The following PLEKHH1 variants were observed in gnomAD, a reference collection of about 807,000 sequenced individuals.
The protein encoded by PLEKHH1 is pleckstrin homology, MyTH4 and FERM domain containing H1.
Under a neutral mutation model 160.0 loss-of-function variants are expected in PLEKHH1, and 104 were observed. That is an observed-to-expected ratio of 0.65 (90% confidence interval 0.55 to 0.76). PLEKHH1 has a LOEUF of 0.76. Ranked by LOEUF, PLEKHH1 falls within the 30% of genes least tolerant of loss-of-function variation. The pLI, the probability that PLEKHH1 is intolerant of heterozygous loss-of-function variation, is 0.00. For missense variants in PLEKHH1, 1,427 were observed against 1,724.1 expected (o/e 0.83, Z 3.05); for synonymous variants, 619 against 678.4 (o/e 0.91, Z 1.36).
rs2035912172 is a variant in PLEKHH1, at chr14:67,581,768, T to A, written c.3285-301T>A. The stretch of plus-strand genomic sequence containing the variant: ...AGTTTCCAGTAGTCTCTTGGACTCT[T>A]ACCTCATCCAGTCCCCTAATCTATA... On this transcript the variant is annotated intron_variant, in intron 23 of 28. Coordinates refer to ENST00000329153, the MANE Select transcript of PLEKHH1 (RefSeq NM_020715.3). The A allele has an allele frequency of 1.2e-5, 4 of 335,534 alleles. No individual in the cohort carries two copies. The South Asian group carries it at 1.3e-4, about 11-fold the overall frequency. The allele number at this position is 335,534 out of a possible 1,614,324, so 20.8% of individuals were successfully genotyped here.
In PLEKHH1 at chr14:67,586,097, G is replaced by C; in HGVS notation, c.3933G>C (p.Lys1311Asn). Residue 1311 changes from lysine to asparagine, a missense_variant and splice_region_variant, in exon 28 of 29, where the codon AAG (lysine) becomes AAC (asparagine). This residue lies in a region of PLEKHH1 where 96 missense variants were observed against 97.6 expected (regional missense o/e 0.98). Transcript: ENST00000329153. ...TGATCTTCCGGATGGCTGCTCCCAAGGTAGGTCTGACAGCTGTTAAAACGT... is the reference window on the plus strand; with the variant it reads ...TGATCTTCCGGATGGCTGCTCCCAACGTAGGTCTGACAGCTGTTAAAACGT... Reference protein sequence around the residue: ...EKLIFRMAAPKIAEATFIMAS... With the variant: ...EKLIFRMAAPNIAEATFIMAS... 2 of 1,613,852 alleles carry C rather than the reference G, an allele frequency of 1.2e-6. No homozygotes were observed. Among genetic ancestry groups the C allele is most frequent in the Non-Finnish European group, 1.7e-6 (2 of 1,179,888 alleles).
chr14:67,586,311 C>G, intron 28 of PLEKHH1: 1 of 1,249,414 alleles, frequency 8.0e-7, no homozygotes, highest in Non-Finnish European at 1.1e-6. Flanking sequence ...TTGGAGGGAA[C>G]TAACTCTGGC....
chr14:67,549,920 C>G (rs935754922), intron 2 of PLEKHH1, among the ~76,000 whole-genome samples: 2 of 152,208 alleles, frequency 1.3e-5, no homozygotes, highest in Non-Finnish European at 1.5e-5. Flanking sequence ...GTGATTCTTA[C>G]GCCCTTGAAA....
At chr14:67,563,894 C>T (rs1167048983) in intron 7 of PLEKHH1, among the ~76,000 whole-genome samples, 4 of 116,982 alleles carry the variant, frequency 3.4e-5, no homozygotes, top group South Asian at 3.1e-4. Context: ...CCACCATGCC[C>T]GGCTAACTGT....
chr14:67,549,497 C>T (rs1342634682), intron 2 of PLEKHH1, among the ~76,000 whole-genome samples: 1 of 152,134 alleles, frequency 6.6e-6, no homozygotes, highest in Non-Finnish European at 1.5e-5. Context: ...TCTTGAACTC[C>T]AGACCTCAAG....
At chr14:67,541,770 T>TC in intron 1 of PLEKHH1, 64 bp from the exon 2 acceptor site, 3 of 1,155,884 alleles carry the variant, frequency 2.6e-6, no homozygotes, top group Non-Finnish European at 3.6e-6. Flanking sequence ...TCCCGTTCTT[T>TC]CCCCACAGAA....
intron 24 of PLEKHH1, 134 bp from the exon 25 acceptor site, chr14:67,583,607 A>G (rs2036005623): frequency 1.2e-5 from 7 of 594,162 alleles, no homozygotes; most frequent in Non-Finnish European, 2.0e-5. Flanking sequence ...GCGTTTTTCT[A>G]AAGTATTTTT....
intron 2 of PLEKHH1, among the ~76,000 whole-genome samples, chr14:67,549,366 G>T (rs970823826): frequency 6.6e-6 from 1 of 151,954 alleles, no homozygotes; most frequent in Non-Finnish European, 1.5e-5. Flanking sequence ...CGCCTCCCAG[G>T]TTCAAGAGAT....
At chr14:67,569,329 T>G in intron 8 of PLEKHH1, 113 bp downstream of exon 8, 2 of 682,388 alleles carry the variant, frequency 2.9e-6, no homozygotes, top group Non-Finnish European at 5.1e-6. Context: ...TGGCCTACCC[T>G]GTTCCCCTCC....
At position 67,571,795 on chromosome 14, in the gene PLEKHH1, C is replaced by G; in HGVS notation, c.1478C>G (p.Ser493Cys). Residue 493 changes from serine to cysteine, a missense_variant, in exon 10 of 29, where the codon TCT (serine) becomes TGT (cysteine). Transcript: ENST00000329153. ...AACATGCCCTTTATGGACGAGTCCT[C>G]TGGGTCTGACGATGACTGCAGCTCT... is the stretch of plus-strand genomic sequence containing the variant. ...ISNMPFMDESSGSDDDCSSQA... is the reference protein window; with the variant it reads ...ISNMPFMDESCGSDDDCSSQA... 1 of 1,613,970 alleles carries G rather than the reference C, an allele frequency of 6.2e-7. No homozygotes were observed. The highest frequency in any genetic ancestry group is 1.6e-4 in the Middle Eastern group (1 of 6,062).
Position 67,557,431 on chromosome 14 carries a change from G to C in PLEKHH1, c.339+13G>C, listed in dbSNP as rs3825724. 1,157 of 1,610,614 alleles carry C rather than the reference G, an allele frequency of 7.2e-4. 24 individuals carry two copies. The East Asian group carries it at 0.026, about 36-fold the overall frequency. ...GCTGGAGAAGCAGGTAAGGGCTCATGCGCAAGGGAGCACCATGCCCTCTTC... is the reference window on the plus strand; with the variant it reads ...GCTGGAGAAGCAGGTAAGGGCTCATCCGCAAGGGAGCACCATGCCCTCTTC... On this transcript the variant is annotated intron_variant, in intron 4 of 28. Coordinates refer to ENST00000329153, the MANE Select transcript of PLEKHH1 (RefSeq NM_020715.3).
At chr14:67,564,966 C>T (rs2035021758) in intron 7 of PLEKHH1, among the ~76,000 whole-genome samples, 1 of 152,148 alleles carries the variant, frequency 6.6e-6, no homozygotes, top group Admixed American at 6.5e-5. Flanking sequence ...GCTGGGATTA[C>T]GGGTGTGAGC....
intron 2 of PLEKHH1, among the ~76,000 whole-genome samples, chr14:67,553,976 A>G (rs867462526): frequency 6.6e-6 from 1 of 152,170 alleles, no homozygotes; most frequent in African/African-American, 2.4e-5. Context: ...AGGGGGCCCT[A>G]TCCATGGGAG....
In PLEKHH1 at chr14:67,583,870, G is replaced by A. The variant is rs770711606; in HGVS notation, c.3556G>A (p.Ala1186Thr). 18 of 1,613,658 alleles carry A rather than the reference G, an allele frequency of 1.1e-5. No individual in the cohort carries two copies. In the East Asian group the frequency reaches 2.9e-4, roughly 26 times the overall value. ...HPRRYRHGAP[A>T]EQLRHLADML... ...CAGGCGCTATAGACATGGGGCCCCCGCTGAACAGCTGAGGTAGGTAGGCTA... is the reference window on the plus strand; with the variant it reads ...CAGGCGCTATAGACATGGGGCCCCCACTGAACAGCTGAGGTAGGTAGGCTA... Residue 1186 changes from alanine (A) to threonine (T), a missense_variant, in exon 25 of 29, where the codon GCT (alanine) becomes ACT (threonine). Coordinates refer to ENST00000329153, the MANE Select transcript of PLEKHH1 (RefSeq NM_020715.3).
At chr14:67,560,496 A>G (rs1032146107) in intron 5 of PLEKHH1, among the ~76,000 whole-genome samples, 1 of 152,168 alleles carries the variant, frequency 6.6e-6, no homozygotes, top group African/African-American at 2.4e-5. Flanking sequence ...TCCAAACAGA[A>G]ACTCTGTACC....
intron 21 of PLEKHH1, 28 bp from the exon 22 acceptor site, chr14:67,579,693 C>G: frequency 6.2e-7 from 1 of 1,606,474 alleles, no homozygotes; most frequent in African/African-American, 1.3e-5. Context: ...GAGGTTCACT[C>G]AGGGTTGGAA....
intron 4 of PLEKHH1, among the ~76,000 whole-genome samples, chr14:67,557,754 C>T (rs1387489169): frequency 6.6e-6 from 1 of 152,218 alleles, no homozygotes; most frequent in Non-Finnish European, 1.5e-5. Context: ...GGTGGAAACA[C>T]CTCATAGAGC....
intron 2 of PLEKHH1, among the ~76,000 whole-genome samples, chr14:67,551,515 T>G (rs964573023): frequency 6.6e-6 from 1 of 152,156 alleles, no homozygotes; most frequent in Non-Finnish European, 1.5e-5. Flanking sequence ...GTTAAGGAAT[T>G]TGTCTAAAGC....
chr14:67,578,691 G>A lies in PLEKHH1; in HGVS notation c.2849+60G>A. The A allele has an allele frequency of 9.4e-7, 1 of 1,058,742 alleles. No homozygotes were observed. The highest frequency in any genetic ancestry group is 1.3e-5 in the South Asian group (1 of 74,282). 65.6% of individuals were successfully genotyped at this position (1,058,742 alleles called of 1,614,324 possible). Reference sequence around the variant, plus strand: ...GCACTGCCAACTGCCGCATGAATAAGAGGGATGAGAGGAGTCTAGGGCAGA... The same window carrying A: ...GCACTGCCAACTGCCGCATGAATAAAAGGGATGAGAGGAGTCTAGGGCAGA... On this transcript the variant is annotated intron_variant, in intron 20 of 28. Coordinates refer to ENST00000329153, the MANE Select transcript of PLEKHH1 (RefSeq NM_020715.3). The surrounding 1 kb of genome is among the most constrained non-coding windows in gnomAD (Gnocchi z 5.0).
Sources: gnomAD v4.1 joint callset for allele counts (sites outside exome capture counted in the v4.1 genomes callset) on GRCh38, gnomAD v4.1.1 for gene constraint, gnomAD v4.1.1 regional missense constraint, Gnocchi (gnomAD v3.1) non-coding constraint, MANE v1.5 for transcripts, NCBI Gene and HGNC (gene_info 2026-07-23, HGNC 2026-07-21) for gene names.